DPYS: variants seen among roughly 807,000 people sequenced by gnomAD.
The protein encoded by DPYS is dihydropyrimidinase.
A neutral mutation model predicts 50.3 loss-of-function variants in DPYS; 39 were observed. The ratio of observed to expected loss-of-function variants is 0.78; its 90% CI spans 0.60 to 1.01. The LOEUF is 1.01. Ranked by LOEUF, DPYS falls within the 50% of genes least tolerant of loss-of-function variation. The pLI, the probability that DPYS is intolerant of heterozygous loss-of-function variation, is 0.00. For missense variants in DPYS, 659 were observed against 680.9 expected, an observed-to-expected ratio of 0.97 and a Z score of 0.36; for synonymous variants, 245 against 250.7, an observed-to-expected ratio of 0.98 and a Z score of 0.22.
chr8:104,453,498 A>T (rs1434439796), intron 1 of DPYS, among the ~76,000 whole-genome samples: 20 of 152,216 alleles, frequency 1.3e-4, no homozygotes, highest in Admixed American at 1.3e-3. Flanking sequence ...GCATCTACTG[A>T]ACTAGAAAAT....
intron 7 of DPYS, among the ~76,000 whole-genome samples, chr8:104,406,885 C>G (rs1312405863): frequency 6.6e-6 from 1 of 152,128 alleles, no homozygotes; most frequent in Non-Finnish European, 1.5e-5. Context: ...CTGATTGAAC[C>G]CTGACTAATA....
chr8:104,459,428 T>C (rs968249720), intron 1 of DPYS, among the ~76,000 whole-genome samples: 11 of 152,158 alleles, frequency 7.2e-5, no homozygotes, highest in Non-Finnish European at 4.4e-5. Flanking sequence ...AATACCATGG[T>C]TTTCATCTCT....
At chr8:104,437,462 A>C (rs568723387) in intron 4 of DPYS, among the ~76,000 whole-genome samples, 3 of 152,340 alleles carry the variant, frequency 2.0e-5, no homozygotes, top group Admixed American at 6.5e-5. Context: ...AAAATATATT[A>C]GCTAAAAGAC....
intron 7 of DPYS, among the ~76,000 whole-genome samples, chr8:104,422,291 A>C (rs1319765552): frequency 1.3e-5 from 2 of 152,222 alleles, no homozygotes; most frequent in African/African-American, 4.8e-5. Flanking sequence ...ATGAAATCAA[A>C]TCCAAAAATG....
chr8:104,443,978 G>T (rs2140704312), intron 4 of DPYS, among the ~76,000 whole-genome samples: 1 of 152,302 alleles, frequency 6.6e-6, no homozygotes, highest in South Asian at 2.1e-4. Context: ...GTGGGGGCAT[G>T]TGGCTAAAGG....
intron 7 of DPYS, among the ~76,000 whole-genome samples, chr8:104,413,437 T>C (rs1812260371): frequency 6.6e-6 from 1 of 151,976 alleles, no homozygotes; most frequent in Non-Finnish European, 1.5e-5. Context: ...GTTGTTGAGA[T>C]GAGGAAGGAG....
chr8:104,390,446 C>T (rs964538623), intron 8 of DPYS, among the ~76,000 whole-genome samples: 4 of 151,674 alleles, frequency 2.6e-5, no homozygotes, highest in African/African-American at 4.8e-5. Flanking sequence ...CATACACTTG[C>T]TTGTGTGACT....
chr8:104,429,601 A>T lies in DPYS; in HGVS notation c.894T>A (p.Gly298=). 6.2e-7 allele frequency: 1 copy of T among 1,614,108 alleles called. No individual in the cohort carries two copies. Among genetic ancestry groups the T allele is most frequent in the Non-Finnish European group, 8.5e-7 (1 of 1,180,014 alleles). ...EWHHAAHHVM[G]PPLRPDPSTP... Reference sequence around the variant, plus strand: ...TTGAGGGGTCTGGTCGCAAAGGTGGACCCATGACATGGTGGGCTGCATGGT... The same window carrying T: ...TTGAGGGGTCTGGTCGCAAAGGTGGTCCCATGACATGGTGGGCTGCATGGT... The change falls in exon 5 of 10, where the codon GGT becomes GGA. Residue 298 remains glycine, a synonymous_variant. Transcript: ENST00000351513.
chr8:104,426,070 C>A (rs986076491), intron 6 of DPYS, among the ~76,000 whole-genome samples: 1 of 151,968 alleles, frequency 6.6e-6, no homozygotes, highest in Admixed American at 6.6e-5. Context: ...GAACTTTTAT[C>A]AAGAAAATCT....
chr8:104,428,530 C>T (rs1210902241), intron 5 of DPYS, among the ~76,000 whole-genome samples: 2 of 152,266 alleles, frequency 1.3e-5, no homozygotes, highest in African/African-American at 2.4e-5. Flanking sequence ...TCCACAAAGA[C>T]ATCACCATGG....
At chr8:104,416,183 T>TC (rs1476817100) in intron 7 of DPYS, among the ~76,000 whole-genome samples, 1 of 152,038 alleles carries the variant, frequency 6.6e-6, no homozygotes, top group East Asian at 1.9e-4. Flanking sequence ...ATGGTACTGC[T>TC]CCCCCCCAAT....
chr8:104,462,101 A>G (rs1299668278), intron 1 of DPYS, among the ~76,000 whole-genome samples: 3 of 152,232 alleles, frequency 2.0e-5, no homozygotes, highest in African/African-American at 4.8e-5. Context: ...ATAATGTGCC[A>G]GCATTTTTTT....
intron 7 of DPYS, among the ~76,000 whole-genome samples, chr8:104,398,006 T>G (rs1249009726): frequency 6.6e-6 from 1 of 152,270 alleles, no homozygotes; most frequent in African/African-American, 2.4e-5. Flanking sequence ...GTTTGGGAGA[T>G]GTGGTCCATT....
chr8:104,445,993 T>C (rs544862183), intron 3 of DPYS, among the ~76,000 whole-genome samples: 25 of 152,230 alleles, frequency 1.6e-4, no homozygotes, highest in East Asian at 1.2e-3. Flanking sequence ...GGCAGTGAGC[T>C]GAGATCGCAC....
chr8:104,417,580 T>C (rs1812409232), intron 7 of DPYS, among the ~76,000 whole-genome samples: 1 of 151,964 alleles, frequency 6.6e-6, no homozygotes, highest in African/African-American at 2.4e-5. Flanking sequence ...CGTCCTTAAA[T>C]TTGAAACTTT....
rs1052586551 is a variant in DPYS, at chr8:104,466,934, C to A, written c.-14G>T. On this transcript the variant is annotated 5_prime_UTR_variant, in exon 1 of 10. Transcript: ENST00000351513. Reference sequence around the variant, plus strand: ...GGGCGCCGCCATAGCGAGGGGCGCGCGGGGTCCTACTCGGCCCGGGCTGCG... The same window carrying A: ...GGGCGCCGCCATAGCGAGGGGCGCGAGGGGTCCTACTCGGCCCGGGCTGCG... 3.7e-6 allele frequency: 5 copies of A among 1,333,776 alleles called. No homozygotes were observed. The African/African-American group carries it at 7.8e-5, about 21-fold the overall frequency. The allele number at this position is 1,333,776 out of a possible 1,614,324, so 82.6% of individuals were successfully genotyped here.
intron 5 of DPYS, among the ~76,000 whole-genome samples, chr8:104,428,766 C>G (rs1812828661): frequency 6.6e-6 from 1 of 152,108 alleles, no homozygotes. Flanking sequence ...AAACTCTTAG[C>G]TTGAGACTGA....
At chr8:104,411,604 T>C (rs1278450716) in intron 7 of DPYS, 1 of 151,678 alleles carries the variant, frequency 6.6e-6, no homozygotes, top group African/African-American at 2.4e-5. Context: ...TACAAAATGA[T>C]AGAGAAAACA....
In DPYS at chr8:104,381,226, G is replaced by A. The variant is rs1206982206; in HGVS notation, c.1532C>T (p.Ala511Val). Reference protein sequence around the residue: ...KSRVTKEDATAGTRKQAHP With the variant: ...KSRVTKEDATVGTRKQAHP ...GGGGTGGGCCTGTTTCCTGGTCCCT[G>A]CTGTGGCATCTTCTTTTGTCACTCT... Residue 511 changes from alanine to valine, a missense_variant, in exon 9 of 10, where the codon GCA becomes GTA. Physicochemically the swap from Ala to Val is moderately conservative, Grantham distance 64 (BLOSUM62 0). Coordinates refer to ENST00000351513, the MANE Select transcript of DPYS (RefSeq NM_001385.3). 3.7e-6 allele frequency: 6 copies of A among 1,613,974 alleles called. No homozygotes were observed. Among genetic ancestry groups the A allele is most frequent in the Non-Finnish European group, 5.1e-6 (6 of 1,180,000 alleles).
Sources: allele counts gnomAD v4.1 joint callset (sites outside exome capture counted in the v4.1 genomes callset), GRCh38; gene constraint gnomAD v4.1.1; transcripts MANE v1.5; gene names NCBI Gene and HGNC (gene_info 2026-07-23, HGNC 2026-07-21).